Variants in CNTNAP3B observed in about 807,000 individuals in gnomAD.
CNTNAP3B encodes the protein contactin associated protein family member 3B.
CNTNAP3B carries 25 observed loss-of-function variants against 108.9 expected under a neutral mutation model. That is an observed-to-expected ratio of 0.23 (90% CI 0.17 to 0.32). The LOEUF (loss-of-function observed/expected upper bound fraction) is 0.32, where lower values mean the gene tolerates loss of function less well. CNTNAP3B is among the 10% of genes least tolerant of loss of function. The pLI, the probability that CNTNAP3B is intolerant of heterozygous loss-of-function variation, is 1.00. For missense variants in CNTNAP3B, 252 were observed against 1,210.4 expected (o/e 0.21, Z 11.75); for synonymous variants, 103 against 473.4 (o/e 0.22, Z 10.16).
intron 23 of CNTNAP3B, among the ~76,000 whole-genome samples, 168 bp from the exon 24 acceptor site, chr9:41,894,278 A>ATT (rs1454911342): frequency 8.2e-6 from 1 of 121,506 alleles, no homozygotes; most frequent in African/African-American, 3.9e-5. Context: ...CGTTCAGCTT[A>ATT]TTTTTTTTTT....
At position 42,021,798 on chromosome 9, in the gene CNTNAP3B, G is replaced by A. The variant is rs1826315180; in HGVS notation, c.391-8273C>T. Among the ~76,000 whole-genome samples the A allele has an allele frequency of 1.5e-5, 2 of 133,724 alleles. 1 individual carries two copies. Among genetic ancestry groups the A allele is most frequent in the Non-Finnish European group, 3.1e-5 (2 of 63,542 alleles). 87.7% of individuals were successfully genotyped at this position (133,724 alleles called of 152,430 possible). On this transcript the variant is annotated intron_variant, in intron 3 of 23. Transcript: ENST00000377561. ...GCACATGGAAGTTCAATGTCCTAGG[G>A]TCAAAGCTGAGCTCTGAAACCGCCT...
rs936929979 is a variant in CNTNAP3B, at chr9:42,063,673, C to A, written c.390+13196G>T. Among the ~76,000 whole-genome samples the A allele has an allele frequency of 1.5e-5, 2 of 136,136 alleles. 1 individual carries two copies. Among genetic ancestry groups the A allele is most frequent in the African/African-American group, 5.9e-5 (2 of 33,684 alleles). 89.3% of individuals were successfully genotyped at this position (136,136 alleles called of 152,430 possible). ...TTTTCCTTCCTTCCTGTCTTCCTTT[C>A]TTCTTTGCTCCCTCCCTCCTTCCTT... On this transcript the variant is annotated intron_variant, in intron 3 of 23. Coordinates refer to ENST00000377561, the MANE Select transcript of CNTNAP3B (RefSeq NM_001201380.3).
At chr9:42,054,418 T>C in intron 3 of CNTNAP3B, among the ~76,000 whole-genome samples, 1 of 151,294 alleles carries the variant, frequency 6.6e-6, no homozygotes, top group South Asian at 2.1e-4. Context: ...TACTTAGATA[T>C]CAGCACATTC....
In CNTNAP3B at chr9:41,944,383, G is replaced by T. The variant is rs1824460281; in HGVS notation, c.2081-5983C>A. On this transcript the variant is annotated intron_variant, in intron 13 of 23. Transcript: ENST00000377561. ...TGGCTTATGAATAAGTAAAATGAAT[G>T]ATAATAATGTAATACAAAATAAGAC... Among the ~76,000 whole-genome samples the T allele has an allele frequency of 3.4e-5, 5 of 148,682 alleles. No homozygotes were observed. The South Asian group carries it at 1.1e-3, about 32-fold the overall frequency.
At chr9:42,096,946 T>C (rs1437636389) in intron 2 of CNTNAP3B, among the ~76,000 whole-genome samples, 3 of 128,278 alleles carry the variant, frequency 2.3e-5, no homozygotes, top group Non-Finnish European at 3.3e-5. Context: ...AGAGACAGGG[T>C]TTTGATGTTG....
At chr9:42,072,959 C>T (rs1395098248) in intron 3 of CNTNAP3B, among the ~76,000 whole-genome samples, 1 of 139,418 alleles carries the variant, frequency 7.2e-6, no homozygotes, top group Non-Finnish European at 1.5e-5. Context: ...TGAATATTCA[C>T]ATTAAGCAGA....
chr9:41,940,707 C>T (rs1292956668), intron 13 of CNTNAP3B, among the ~76,000 whole-genome samples: 1 of 152,098 alleles, frequency 6.6e-6, no homozygotes, highest in Non-Finnish European at 1.5e-5. Flanking sequence ...CCCAGCTACT[C>T]AGGAGGCTGA....
At chr9:41,925,836 T>C (rs1823803664) in intron 15 of CNTNAP3B, among the ~76,000 whole-genome samples, 1 of 152,300 alleles carries the variant, frequency 6.6e-6, no homozygotes. Flanking sequence ...TCCAGGCTCA[T>C]CTTAAATTTT....
intron 9 of CNTNAP3B, among the ~76,000 whole-genome samples, chr9:41,976,934 C>A (rs867783620): frequency 7.0e-6 from 1 of 141,920 alleles, no homozygotes; most frequent in Non-Finnish European, 1.5e-5. Flanking sequence ...AAAGGCAAAA[C>A]AACGAAACAC....
chr9:41,976,136 TA>T (rs1825513865), intron 9 of CNTNAP3B, among the ~76,000 whole-genome samples: 1 of 64,250 alleles, frequency 1.6e-5, no homozygotes, highest in Non-Finnish European at 3.0e-5. Flanking sequence ...CAGGCCAGTA[TA>T]AAACAAATGG....
chr9:42,096,107 G>C (rs1680739539), intron 2 of CNTNAP3B, among the ~76,000 whole-genome samples: 1 of 140,018 alleles, frequency 7.1e-6, no homozygotes. Flanking sequence ...AGCTGCCGCA[G>C]GGCGTCCAGT....
chr9:41,937,332 G>T (rs1212065226), intron 14 of CNTNAP3B, among the ~76,000 whole-genome samples: 8 of 151,878 alleles, frequency 5.3e-5, no homozygotes, highest in African/African-American at 1.9e-4. Context: ...TCGCCACATT[G>T]GCCAGGCTGG....
intron 17 of CNTNAP3B, among the ~76,000 whole-genome samples, chr9:41,921,115 G>T (rs1248551188): frequency 6.6e-6 from 1 of 152,308 alleles, no homozygotes; most frequent in Non-Finnish European, 1.5e-5. Flanking sequence ...TAAGGTGGGG[G>T]CCCCAAATCT....
At chr9:41,966,595 C>A (rs1375787192) in intron 10 of CNTNAP3B, among the ~76,000 whole-genome samples, 1 of 152,272 alleles carries the variant, frequency 6.6e-6, no homozygotes, top group Non-Finnish European at 1.5e-5. Flanking sequence ...CAGGACTCCA[C>A]TGGAAGCTCT....
At chr9:41,951,675 CT>C (rs1342972763) in intron 13 of CNTNAP3B, among the ~76,000 whole-genome samples, 6 of 151,978 alleles carry the variant, frequency 3.9e-5, no homozygotes, top group Admixed American at 3.3e-4. Flanking sequence ...CAGACCTTTG[CT>C]CTTTCTACTA....
chr9:41,940,884 C>T (rs1824321328), intron 13 of CNTNAP3B, among the ~76,000 whole-genome samples: 1 of 152,278 alleles, frequency 6.6e-6, no homozygotes, highest in Non-Finnish European at 1.5e-5. Flanking sequence ...CGCTAGCAGA[C>T]ATTCCCTAAA....
chr9:42,087,174 T>C (rs1489690032), intron 2 of CNTNAP3B, among the ~76,000 whole-genome samples: 7,675 of 106,140 alleles, frequency 0.072, 106 homozygotes, highest in African/African-American at 0.14. Context: ...TGTTAACTTG[T>C]TAAAATTCAC....
rs566098868 is a variant in CNTNAP3B at position 42,090,894 on chromosome 9, C to T, written c.196+13735G>A. Reference sequence around the variant, plus strand: ...ACATTCAGCTTCAGGAAAACTGGTGCCATTACATAAAATATAAAGTTCTTG... The same window carrying T: ...ACATTCAGCTTCAGGAAAACTGGTGTCATTACATAAAATATAAAGTTCTTG... On this transcript the variant is annotated intron_variant, in intron 2 of 23. Coordinates refer to ENST00000377561, the MANE Select transcript of CNTNAP3B (RefSeq NM_001201380.3). Among the ~76,000 whole-genome samples, 5 of 80,886 alleles carry T rather than the reference C, an allele frequency of 6.2e-5. 1 individual carries two copies. In the East Asian group the frequency reaches 2.2e-3, roughly 36 times the overall value. 53.1% of individuals were successfully genotyped at this position (80,886 alleles called of 152,430 possible).
intron 3 of CNTNAP3B, among the ~76,000 whole-genome samples, chr9:42,063,305 C>T (rs1381469371): frequency 2.3e-5 from 3 of 129,582 alleles, no homozygotes; most frequent in African/African-American, 6.2e-5. Flanking sequence ...AAGAGCTTTG[C>T]TGTGTATTCT....
Sources: gnomAD v4.1 joint callset for allele counts (sites outside exome capture counted in the v4.1 genomes callset) on GRCh38, gnomAD v4.1.1 for gene constraint, MANE v1.5 for transcripts, NCBI Gene and HGNC (gene_info 2026-07-23, HGNC 2026-07-21) for gene names.